Variants in MYOF observed in about 807,000 individuals in gnomAD.
MYOF encodes the protein myoferlin.
Under a neutral mutation model 284.2 loss-of-function variants are expected in MYOF, and 244 were observed. The ratio of observed to expected loss-of-function variants is 0.86; its 90% CI spans 0.77 to 0.95. The LOEUF is 0.95. Ranked by LOEUF, MYOF falls within the 40% of genes least tolerant of loss-of-function variation. The pLI, the probability that MYOF is intolerant of heterozygous loss-of-function variation, is 0.00. For missense variants in MYOF, 2,496 were observed against 2,560.6 expected (o/e 0.97, Z 0.54); for synonymous variants, 904 against 919.7 (o/e 0.98, Z 0.31).
chr10:93,450,760 T>G (rs1442202039), intron 3 of MYOF, among the ~76,000 whole-genome samples: 1 of 152,214 alleles, frequency 6.6e-6, no homozygotes, highest in African/African-American at 2.4e-5. Context: ...TTATATCAGA[T>G]GTGCCTAAGA....
intron 7 of MYOF, among the ~76,000 whole-genome samples, chr10:93,405,122 C>T (rs1395527674): frequency 7.0e-6 from 1 of 143,020 alleles, no homozygotes; most frequent in African/African-American, 2.8e-5. Flanking sequence ...TGCTTTATCT[C>T]TTTTTTAAAC....
intron 3 of MYOF, among the ~76,000 whole-genome samples, chr10:93,442,006 A>ACACACG (rs1317780009): frequency 7.7e-6 from 1 of 129,354 alleles, no homozygotes; most frequent in African/African-American, 2.7e-5. Flanking sequence ...GAACACACAC[A>ACACACG]CACACACACA....
intron 17 of MYOF, among the ~76,000 whole-genome samples, chr10:93,391,256 T>A (rs788082): frequency 0.3 from 45,872 of 152,168 alleles, 8,418 homozygotes; most frequent in Middle Eastern, 0.43. Flanking sequence ...GAAGGAACTC[T>A]CCTTCTATGT....
chr10:93,347,649 G>T lies in MYOF; in HGVS notation c.4217C>A (p.Ala1406Glu). The T allele has an allele frequency of 6.2e-7, 1 of 1,613,518 alleles. No homozygotes were observed. Among genetic ancestry groups the T allele is most frequent in the Non-Finnish European group, 8.5e-7 (1 of 1,179,932 alleles). The change falls in exon 37 of 54, where the codon GCA becomes GAA. Residue 1406 changes from alanine (A) to glutamate (E), a missense_variant. Coordinates refer to ENST00000359263, the MANE Select transcript of MYOF (RefSeq NM_013451.4). ...RLDRFRCDPY[A>E]GKEDIVPQLK... The stretch of plus-strand genomic sequence containing the variant: ...CTGTGGGACGATGTCCTCTTTCCCT[G>T]CATAAGGGTCACAGCGAAAGCGGTC...
chr10:93,338,434 GTTGT>G, intron 39 of MYOF: 1 of 444,446 alleles, frequency 2.2e-6, no homozygotes, highest in Non-Finnish European at 4.4e-6. Context: ...GCTTGGGCAA[GTTGT>G]TTAACATCTC....
intron 32 of MYOF, 134 bp downstream of exon 32, chr10:93,353,677 C>T (rs1589433299): frequency 3.1e-6 from 2 of 651,764 alleles, no homozygotes; most frequent in East Asian, 5.4e-5. Flanking sequence ...CAGTTTGCTT[C>T]AAGCATGCAA....
At chr10:93,325,757 A>G (rs1194649581) in intron 46 of MYOF, 69 bp downstream of exon 46, 1 of 1,523,902 alleles carries the variant, frequency 6.6e-7, no homozygotes, top group African/African-American at 1.4e-5. Flanking sequence ...AAAAGGCGCA[A>G]AAATGTCAAC....
rs1283844966 is a variant in MYOF at position 93,333,822 on chromosome 10, T to G, written c.4655A>C (p.Glu1552Ala). ...FRELPDSVPQ[E>A]CTVRIYIVRG... ...AACAATGTAAATCCTAACCGTGCAT[T>G]CCTGTGGGACGCTGTCAGGTAATTC... The change falls in exon 42 of 54, where the codon GAA becomes GCA. Residue 1552 changes from glutamate to alanine, a missense_variant. Around this residue, in one of 3 missense-constraint regions of MYOF, gnomAD observed 2,436 missense variants for 2,480.7 expected, o/e 0.98. Transcript: ENST00000359263. The G allele has an allele frequency of 3.7e-6, 6 of 1,614,096 alleles. No homozygotes were observed. The highest frequency in any genetic ancestry group is 5.1e-6 in the Non-Finnish European group (6 of 1,180,006).
intron 5 of MYOF, among the ~76,000 whole-genome samples, chr10:93,423,293 A>G (rs1362857822): frequency 6.6e-6 from 1 of 151,896 alleles, no homozygotes; most frequent in African/African-American, 2.4e-5. Flanking sequence ...TTGGGAGGCC[A>G]AGGCAAGCAG....
chr10:93,355,754 A>G lies in MYOF; in HGVS notation c.3295-18T>C. On this transcript the variant is annotated intron_variant, in intron 30 of 53. Transcript: ENST00000359263. ...TCTGCCCCCTGAAGTCAATTAACAGAGTCAATTAGCAGAGAAGTCAATAAA... is the reference window on the plus strand; with the variant it reads ...TCTGCCCCCTGAAGTCAATTAACAGGGTCAATTAGCAGAGAAGTCAATAAA... 1 of 1,591,806 alleles carries G rather than the reference A, an allele frequency of 6.3e-7. No individual in the cohort carries two copies.
chr10:93,369,189 T>A (rs371259750), intron 25 of MYOF, among the ~76,000 whole-genome samples: 2 of 137,030 alleles, frequency 1.5e-5, no homozygotes, highest in African/African-American at 5.5e-5. Flanking sequence ...TCTTCAGGGG[T>A]TTTAAGACAC....
chr10:93,323,723 G>A (rs41290192), intron 46 of MYOF: 9,041 of 213,976 alleles, frequency 0.042, 285 homozygotes, highest in Middle Eastern at 0.066. Context: ...ACGCGCGTGC[G>A]CGCACATCCC....
intron 19 of MYOF, among the ~76,000 whole-genome samples, chr10:93,381,716 G>A (rs1008352040): frequency 2.0e-5 from 3 of 152,084 alleles, no homozygotes; most frequent in African/African-American, 7.2e-5. Context: ...ACTTAATTAG[G>A]TCCATATGTG....
chr10:93,355,810 A>T, intron 30 of MYOF, 74 bp from the exon 31 acceptor site: 1 of 1,039,146 alleles, frequency 9.6e-7, no homozygotes, highest in Non-Finnish European at 1.5e-6. Flanking sequence ...ACCAACCAAG[A>T]GGCAAGAATA....
chr10:93,326,063 C>G (rs1843033550), intron 45 of MYOF, 98 bp from the exon 46 acceptor site: 1 of 1,471,726 alleles, frequency 6.8e-7, no homozygotes, highest in Non-Finnish European at 9.3e-7. Context: ...CAGACTTTGC[C>G]AAAATGGACA....
intron 48 of MYOF, among the ~76,000 whole-genome samples, 194 bp downstream of exon 48, chr10:93,322,884 C>T (rs1455465959): frequency 6.6e-6 from 1 of 152,182 alleles, no homozygotes; most frequent in Admixed American, 6.5e-5. Context: ...TAGCTTTCCT[C>T]ATAAACAAAG....
chr10:93,350,955 A>G (rs540457427), intron 35 of MYOF, among the ~76,000 whole-genome samples: 3 of 152,292 alleles, frequency 2.0e-5, no homozygotes, highest in Non-Finnish European at 4.4e-5. Context: ...AAAAACTCAG[A>G]AACCTGCTGG....
At position 93,456,020 on chromosome 10, in the gene MYOF, G is replaced by A. The variant is rs2056736942; in HGVS notation, c.144+862C>T. Among the ~76,000 whole-genome samples, 4 of 152,104 alleles carry A rather than the reference G, an allele frequency of 2.6e-5. 1 individual carries two copies. Among genetic ancestry groups the A allele is most frequent in the Admixed American group, 2.6e-4 (4 of 15,272 alleles). ...GAACCACTTCTAAAATAGATATAAG[G>A]TCGACAGTGGGGGGAGGTAAATAAG... On this transcript the variant is annotated intron_variant, in intron 2 of 53. Coordinates refer to ENST00000359263, the MANE Select transcript of MYOF (RefSeq NM_013451.4).
At chr10:93,478,239 C>CAG in intron 1 of MYOF, 1 of 336,656 alleles carries the variant, frequency 3.0e-6, no homozygotes, top group Middle Eastern at 3.8e-4. Context: ...AAATTGGTCT[C>CAG]AGAGGTCTGT....
Sources: allele counts gnomAD v4.1 joint callset (sites outside exome capture counted in the v4.1 genomes callset), GRCh38; gene constraint gnomAD v4.1.1; regional missense constraint gnomAD v4.1.1; transcripts MANE v1.5; gene names NCBI Gene and HGNC (gene_info 2026-07-23, HGNC 2026-07-21).